Variants in ZFR2 observed in about 807,000 individuals in gnomAD.
ZFR2 encodes the protein zinc finger RNA-binding protein 2.
A neutral mutation model predicts 105.7 loss-of-function variants in ZFR2; 104 were observed. The ratio of observed to expected loss-of-function variants is 0.98; its 90% CI spans 0.84 to 1.16. The LOEUF is 1.16. Among genes scored for constraint, ZFR2 ranks in the 50% most tolerant of loss-of-function variants. The pLI is 0.00. For synonymous variants in ZFR2, 634 were observed against 597.7 expected, an observed-to-expected ratio of 1.06 and a Z score of -0.89; for missense variants, 1,425 against 1,355.5, an observed-to-expected ratio of 1.05 and a Z score of -0.80.
At chr19:3,860,436 G>C (rs2038359993) in intron 1 of ZFR2, among the ~76,000 whole-genome samples, 1 of 152,148 alleles carries the variant, frequency 6.6e-6, no homozygotes, top group South Asian at 2.1e-4. Flanking sequence ...GGTTCCTCAG[G>C]ATGGAGCCAC....
chr19:3,834,389 G>A lies in ZFR2; in HGVS notation c.264+384C>T, dbSNP rs72972968. On this transcript the variant is annotated intron_variant, in intron 2 of 18. Transcript: ENST00000262961. This position sits in a 1 kb window ranked among gnomAD's most constrained non-coding sequence, Gnocchi z 5.3. ...TAGGAATCTGGAGCGTGGGGAAGGT[G>A]GGGTGAGTCCTGGTCTCTCTGGGCC... 0.06 allele frequency among the ~76,000 whole-genome samples: 9,194 copies of A among 152,138 alleles called. 322 individuals are homozygous for A. The highest frequency in any genetic ancestry group is 0.082 in the Non-Finnish European group (5,545 of 67,976).
intron 12 of ZFR2, among the ~76,000 whole-genome samples, chr19:3,818,289 G>A (rs988747252): frequency 3.9e-5 from 6 of 152,182 alleles, no homozygotes; most frequent in South Asian, 2.1e-4. Context: ...AACATAGCGA[G>A]ACCTCTCCCT....
intron 1 of ZFR2, among the ~76,000 whole-genome samples, chr19:3,861,755 G>A (rs549897767): frequency 1.3e-5 from 2 of 152,170 alleles, no homozygotes; most frequent in East Asian, 1.9e-4. Flanking sequence ...GTGAAACCTC[G>A]TCTCTATTAA....
At position 3,827,455 on chromosome 19, in the gene ZFR2, C is replaced by T; in HGVS notation, c.1035+16G>A. ...TCTCCCCAGGGTGGCAGAGCCTGGG[C>T]CGGGCGGGGCCGTACCTTCTGGTGC... On this transcript the variant is annotated intron_variant, in intron 6 of 18. Transcript: ENST00000262961. The T allele has an allele frequency of 6.6e-7, 1 of 1,518,526 alleles. No individual in the cohort carries two copies. Among genetic ancestry groups the T allele is most frequent in the East Asian group, 2.5e-5 (1 of 40,300 alleles). 94.1% of individuals were successfully genotyped at this position (1,518,526 alleles called of 1,614,324 possible).
rs1259690267 is a variant in ZFR2, at chr19:3,807,405, C to T, written c.2546-136G>A. 11 of 638,182 alleles carry T rather than the reference C, an allele frequency of 1.7e-5. No homozygotes were observed. The East Asian group carries it at 3.1e-4, about 18-fold the overall frequency. The allele number at this position is 638,182 out of a possible 1,614,324, so 39.5% of individuals were successfully genotyped here. A position where few individuals can be genotyped will look rare whatever the true frequency, so the allele number is the denominator to read the frequency against. On this transcript the variant is annotated intron_variant, in intron 17 of 18. Coordinates refer to ENST00000262961, the MANE Select transcript of ZFR2 (RefSeq NM_015174.2). ...ATACTTGCAGCCGTGGCACCTCTGA[C>T]CCTCAGGCCTCTCTCAGCAGGTTCA...
intron 6 of ZFR2, among the ~76,000 whole-genome samples, chr19:3,826,685 G>A (rs1026762010): frequency 2.6e-5 from 4 of 151,808 alleles, no homozygotes; most frequent in Non-Finnish European, 4.4e-5. Flanking sequence ...CGATCCACTC[G>A]CCTCGGCCTC....
intron 6 of ZFR2, among the ~76,000 whole-genome samples, chr19:3,825,891 C>G (rs972579663): frequency 6.6e-6 from 1 of 152,138 alleles, no homozygotes; most frequent in Admixed American, 6.5e-5. Context: ...TTCTCAGCAC[C>G]TCTAGGTACA....
intron 17 of ZFR2, 66 bp downstream of exon 17, chr19:3,808,806 T>A (rs551848058): frequency 7.5e-7 from 1 of 1,341,624 alleles, no homozygotes; most frequent in African/African-American, 1.5e-5. Context: ...CTCTGTGCCA[T>A]GGCCACGGGC....
At chr19:3,848,700 C>CA (rs946059427) in intron 1 of ZFR2, among the ~76,000 whole-genome samples, 28 of 151,538 alleles carry the variant, frequency 1.8e-4, no homozygotes, top group African/African-American at 6.8e-4. Flanking sequence ...CTTAAAAACA[C>CA]AAAGTGTTAG....
In ZFR2 at chr19:3,858,031, G is replaced by T. The variant is rs1009729144; in HGVS notation, c.53+10934C>A. On this transcript the variant is annotated intron_variant, in intron 1 of 18. Transcript: ENST00000262961. This position sits in a 1 kb window ranked among gnomAD's most constrained non-coding sequence, Gnocchi z 4.3. Reference sequence around the variant, plus strand: ...GTCTTTTGATGGCTTTTTGGTCGGAGAATTTGTTTTGGGAAGTCAAGCTTT... The same window carrying T: ...GTCTTTTGATGGCTTTTTGGTCGGATAATTTGTTTTGGGAAGTCAAGCTTT... Among the ~76,000 whole-genome samples, 1 of 152,198 alleles carries T rather than the reference G, an allele frequency of 6.6e-6. No homozygotes were observed. The highest frequency in any genetic ancestry group is 1.5e-5 in the Non-Finnish European group (1 of 68,032).
intron 1 of ZFR2, among the ~76,000 whole-genome samples, chr19:3,849,153 G>A (rs879794659): frequency 2.6e-5 from 4 of 152,224 alleles, no homozygotes; most frequent in Non-Finnish European, 4.4e-5. Context: ...TGGAGGCCCA[G>A]GCGTGCTGAG....
At chr19:3,837,699 A>G (rs1478202657) in intron 1 of ZFR2, among the ~76,000 whole-genome samples, 5 of 146,892 alleles carry the variant, frequency 3.4e-5, no homozygotes, top group East Asian at 2.1e-4. Context: ...CGTGACACTC[A>G]ATGAACACCG....
At chr19:3,856,029 G>A (rs914808390) in intron 1 of ZFR2, among the ~76,000 whole-genome samples, 3 of 152,190 alleles carry the variant, frequency 2.0e-5, no homozygotes, top group Non-Finnish European at 4.4e-5. Context: ...GATGGAAATG[G>A]GGGCGAGAGC....
chr19:3,866,188 T>C (rs767853922), intron 1 of ZFR2, among the ~76,000 whole-genome samples: 6 of 152,188 alleles, frequency 3.9e-5, no homozygotes, highest in Non-Finnish European at 7.3e-5. Flanking sequence ...ACAAAAGTCA[T>C]TTCCCACAAG....
At position 3,833,675 on chromosome 19, in the gene ZFR2, G is replaced by A. The variant is rs777636382; in HGVS notation, c.368C>T (p.Ser123Phe). The A allele has an allele frequency of 4.5e-6, 7 of 1,561,624 alleles. No homozygotes were observed. In the African/African-American group the frequency reaches 9.5e-5, roughly 21 times the overall value. ...TGCAGATGGCTCACCTGGCTGGCCG[G>A]AGTCTGCGGCTGTCATGCGCCCAGA... ...LQSGRMTAAD[S>F]GQPGTQEACG... The change falls in exon 3 of 19, where the codon TCC becomes TTC. Residue 123 changes from serine to phenylalanine, a missense_variant. Physicochemically the swap from Ser to Phe is radical, Grantham distance 155 (BLOSUM62 -2). Coordinates refer to ENST00000262961, the MANE Select transcript of ZFR2 (RefSeq NM_015174.2).
intron 1 of ZFR2, among the ~76,000 whole-genome samples, chr19:3,861,195 TAAA>T (rs2038369481): frequency 6.6e-6 from 1 of 152,108 alleles, no homozygotes; most frequent in African/African-American, 2.4e-5. Flanking sequence ...TAGGTCCATT[TAAA>T]AAGGCAAATG....
rs151245532 is a variant in ZFR2, at chr19:3,816,526, G to A, written c.2103+148C>T. The A allele has an allele frequency of 2.3e-4, 298 of 1,268,624 alleles. 4 individuals are homozygous for A. In the East Asian group the frequency reaches 7.9e-3, roughly 33 times the overall value. The allele number at this position is 1,268,624 out of a possible 1,614,324, so 78.6% of individuals were successfully genotyped here. ...CTCCCTAAGTGCTGGGATTACGGAC[G>A]TGAGCCACTGCGCCTGGCTTAATGC... On this transcript the variant is annotated intron_variant, in intron 13 of 18. Coordinates refer to ENST00000262961, the MANE Select transcript of ZFR2 (RefSeq NM_015174.2).
At chr19:3,820,815 T>A (rs74579589) in intron 10 of ZFR2, among the ~76,000 whole-genome samples, 35,318 of 92,838 alleles carry the variant, frequency 0.38, 6,620 homozygotes, top group Admixed American at 0.46. Context: ...AGGGGTCACA[T>A]GGCACACTAG....
chr19:3,839,642 A>G (rs1599243153), intron 1 of ZFR2, among the ~76,000 whole-genome samples: 1 of 151,902 alleles, frequency 6.6e-6, no homozygotes, highest in Admixed American at 6.6e-5. Context: ...TTTTATGACA[A>G]AATATTTCAA....
Sources: allele counts gnomAD v4.1 joint callset (sites outside exome capture counted in the v4.1 genomes callset), GRCh38; gene constraint gnomAD v4.1.1; non-coding constraint Gnocchi (gnomAD v3.1); transcripts MANE v1.5; gene names NCBI Gene and HGNC (gene_info 2026-07-23, HGNC 2026-07-21).